CCDC134: variants seen among roughly 807,000 people sequenced by gnomAD.
CCDC134 encodes coiled-coil domain containing 134.
CCDC134 carries 27 observed loss-of-function variants against 25.6 expected under a neutral mutation model. The ratio of observed to expected loss-of-function variants is 1.05; its 90% CI spans 0.78 to 1.45. The LOEUF (loss-of-function observed/expected upper bound fraction) is 1.45. Ranked by LOEUF, CCDC134 falls within the 40% of genes most tolerant of loss-of-function variation. CCDC134 has a pLI of 0.00. For missense variants in CCDC134, 261 were observed against 286.7 expected (o/e 0.91, Z 0.65); for synonymous variants, 110 against 115.0 (o/e 0.96, Z 0.28).
In CCDC134 at chr22:41,830,877, T is replaced by C. The variant is rs1013251981; in HGVS notation, c.*5054T>C. On this transcript the variant is annotated 3_prime_UTR_variant, in exon 7 of 7. Coordinates refer to ENST00000255784, the MANE Select transcript of CCDC134 (RefSeq NM_024821.5). Reference sequence around the variant, plus strand: ...AGCACACAGATCCTTATTTTTTCTTTTCTTTTCTTTTTTTTTTTTTTTTTT... The same window carrying C: ...AGCACACAGATCCTTATTTTTTCTTCTCTTTTCTTTTTTTTTTTTTTTTTT... Among the ~76,000 whole-genome samples the C allele has an allele frequency of 1.6e-5, 2 of 122,176 alleles. No homozygotes were observed. The highest frequency in any genetic ancestry group is 2.9e-5 in the African/African-American group (1 of 34,950). The allele number at this position is 122,176 out of a possible 152,430, so 80.2% of individuals were successfully genotyped here.
chr22:41,801,325 C>T (rs2076542538), intron 1 of CCDC134, among the ~76,000 whole-genome samples: 1 of 151,984 alleles, frequency 6.6e-6, no homozygotes. Flanking sequence ...GGGGGTTCTC[C>T]GGATGATCTC....
At chr22:41,806,467 A>G (rs917527305) in intron 1 of CCDC134, among the ~76,000 whole-genome samples, 2 of 151,550 alleles carry the variant, frequency 1.3e-5, no homozygotes, top group Admixed American at 6.6e-5. Flanking sequence ...TGATCCGCCC[A>G]CCTCGGCCTC....
chr22:41,826,033 G>A lies in CCDC134; in HGVS notation c.*210G>A. ...TTCTCTCAGGGGCCTCCTGCTGAAG[G>A]GGCCTTCAGAGGATTTTATGCTGGA... On this transcript the variant is annotated 3_prime_UTR_variant, in exon 7 of 7. Coordinates refer to ENST00000255784, the MANE Select transcript of CCDC134 (RefSeq NM_024821.5). 2 of 583,842 alleles carry A rather than the reference G, an allele frequency of 3.4e-6. No homozygotes were observed. Among genetic ancestry groups the A allele is most frequent in the South Asian group, 2.1e-5 (1 of 48,374 alleles). The allele number at this position is 583,842 out of a possible 1,614,324, so 36.2% of individuals were successfully genotyped here.
chr22:41,805,443 A>G (rs1360154165), intron 1 of CCDC134, among the ~76,000 whole-genome samples: 2 of 152,198 alleles, frequency 1.3e-5, no homozygotes, highest in Non-Finnish European at 2.9e-5. Context: ...AAAATAAAAA[A>G]AAGAATACTT....
intron 4 of CCDC134, among the ~76,000 whole-genome samples, chr22:41,812,444 A>AT (rs1490066711): frequency 1.4e-5 from 2 of 144,976 alleles, no homozygotes; most frequent in Non-Finnish European, 3.0e-5. Context: ...AAAAAAAAAA[A>AT]GGATGGTAAC....
Position 41,827,332 on chromosome 22 carries a change from C to T in CCDC134, c.*1509C>T, listed in dbSNP as rs1020572524. On this transcript the variant is annotated 3_prime_UTR_variant, in exon 7 of 7. Transcript: ENST00000255784. ...ACTGACTCAACAGACATAGTTTCAT[C>T]TCCACCCTGCCCTTCTCAGGTTGTG... is the stretch of plus-strand genomic sequence containing the variant. Among the ~76,000 whole-genome samples the T allele has an allele frequency of 1.3e-5, 2 of 152,198 alleles. No individual in the cohort carries two copies. Among genetic ancestry groups the T allele is most frequent in the Non-Finnish European group, 2.9e-5 (2 of 68,048 alleles).
intron 1 of CCDC134, among the ~76,000 whole-genome samples, chr22:41,806,421 T>C (rs979217375): frequency 6.6e-5 from 10 of 151,710 alleles, no homozygotes; most frequent in South Asian, 2.1e-4. Context: ...GGGGTTTCAC[T>C]GTGTTAGCCA....
rs2076682272 is a variant in CCDC134, at chr22:41,826,876, A to G, written c.*1053A>G. ...TCTGCCTCTTTGACCTTGCCAAGTC[A>G]GGATCTGCCTCTTAAAGGAGCAGAG... is the stretch of plus-strand genomic sequence containing the variant. On this transcript the variant is annotated 3_prime_UTR_variant, in exon 7 of 7. Transcript: ENST00000255784. 6.6e-6 allele frequency among the ~76,000 whole-genome samples: 1 copy of G among 152,238 alleles called. No individual in the cohort carries two copies. The highest frequency in any genetic ancestry group is 2.4e-5 in the African/African-American group (1 of 41,468).
rs1053188688 is a variant in CCDC134 at position 41,828,250 on chromosome 22, T to C, written c.*2427T>C. On this transcript the variant is annotated 3_prime_UTR_variant, in exon 7 of 7. Transcript: ENST00000255784. ...GCTGTTGTTATCAGAACCAGGCTCT[T>C]CACACTCAGATCCTTGGGCCCCCCA... Among the ~76,000 whole-genome samples the C allele has an allele frequency of 2.6e-5, 4 of 152,154 alleles. No homozygotes were observed. Among genetic ancestry groups the C allele is most frequent in the African/African-American group, 9.7e-5 (4 of 41,438 alleles).
chr22:41,814,612 T>C (rs1006061809), intron 6 of CCDC134, among the ~76,000 whole-genome samples: 2 of 148,228 alleles, frequency 1.3e-5, no homozygotes, highest in African/African-American at 4.9e-5. Context: ...GAGGAAGGGA[T>C]TGGAAGTGAC....
intron 6 of CCDC134, among the ~76,000 whole-genome samples, chr22:41,824,894 G>C (rs573236428): frequency 6.6e-6 from 1 of 152,316 alleles, no homozygotes; most frequent in Admixed American, 6.5e-5. Context: ...GATGGGGGCA[G>C]CAATAGTAGA....
At chr22:41,811,638 G>A (rs1215947666) in intron 4 of CCDC134, among the ~76,000 whole-genome samples, 3 of 152,106 alleles carry the variant, frequency 2.0e-5, no homozygotes, top group Admixed American at 1.3e-4. Flanking sequence ...CATGTTGGCC[G>A]GGCTGGTCTC....
intron 4 of CCDC134, among the ~76,000 whole-genome samples, chr22:41,812,791 T>A (rs912856970): frequency 1.3e-5 from 2 of 152,222 alleles, no homozygotes; most frequent in African/African-American, 4.8e-5. Flanking sequence ...GACACTCTAG[T>A]TGTGTTAACA....
At chr22:41,816,744 C>G (rs2076624478) in intron 6 of CCDC134, among the ~76,000 whole-genome samples, 1 of 152,064 alleles carries the variant, frequency 6.6e-6, no homozygotes, top group South Asian at 2.1e-4. Context: ...ATGGTGAAAC[C>G]CCGTCTCTAC....
At chr22:41,811,827 A>G (rs969989724) in intron 4 of CCDC134, among the ~76,000 whole-genome samples, 4 of 152,182 alleles carry the variant, frequency 2.6e-5, no homozygotes, top group African/African-American at 9.7e-5. Flanking sequence ...GGGAAGTTAA[A>G]TAATCATCTT....
chr22:41,813,196 A>G, intron 4 of CCDC134, 68 bp from the exon 5 acceptor site: 1 of 1,509,588 alleles, frequency 6.6e-7, no homozygotes, highest in African/African-American at 1.4e-5. Context: ...TCTCTAGAGG[A>G]TGCCAGGGGC....
Position 41,811,393 on chromosome 22 carries a change from T to C in CCDC134, c.310+1102T>C, listed in dbSNP as rs1396227334. ...ACCTCCAGAAAGTATTCTTTACTTG[T>C]TGTTTTGCAGACGACAATGCTTGTA... On this transcript the variant is annotated intron_variant, in intron 4 of 6. Transcript: ENST00000255784. 3.9e-5 allele frequency among the ~76,000 whole-genome samples: 6 copies of C among 152,204 alleles called. 1 individual carries two copies. The highest frequency in any genetic ancestry group is 3.3e-4 in the Admixed American group (5 of 15,272).
intron 6 of CCDC134, among the ~76,000 whole-genome samples, chr22:41,823,062 T>C (rs532339424): frequency 6.6e-6 from 1 of 152,306 alleles, no homozygotes; most frequent in East Asian, 1.9e-4. Flanking sequence ...ACCTGAGTTG[T>C]AGGCATAGTA....
intron 1 of CCDC134, among the ~76,000 whole-genome samples, chr22:41,804,641 G>T (rs1417714837): frequency 1.3e-5 from 2 of 152,216 alleles, no homozygotes; most frequent in Non-Finnish European, 2.9e-5. Context: ...TCCTGGGCCT[G>T]CCAGGAAGTG....
Sources: allele counts gnomAD v4.1 joint callset (sites outside exome capture counted in the v4.1 genomes callset), GRCh38; gene constraint gnomAD v4.1.1; transcripts MANE v1.5; gene names NCBI Gene and HGNC (gene_info 2026-07-23, HGNC 2026-07-21).